ADAMTSL3: variants seen among roughly 807,000 people sequenced by gnomAD.
The protein encoded by ADAMTSL3 is ADAMTS-like protein 3.
A neutral mutation model predicts 201.7 loss-of-function variants in ADAMTSL3; 128 were observed. The observed-to-expected ratio is 0.63, with a 90% confidence interval of 0.55 to 0.73. ADAMTSL3 has a LOEUF of 0.73. Among genes scored for constraint, ADAMTSL3 ranks in the 30% least tolerant of loss-of-function variants. The pLI, the probability that ADAMTSL3 is intolerant of heterozygous loss-of-function variation, is 0.00. For missense variants in ADAMTSL3, 1,990 were observed against 2,119.6 expected, an observed-to-expected ratio of 0.94 and a Z score of 1.20; for synonymous variants, 738 against 748.4, an observed-to-expected ratio of 0.99 and a Z score of 0.23.
intron 2 of ADAMTSL3, among the ~76,000 whole-genome samples, chr15:83,682,250 A>G (rs772743801): frequency 6.6e-6 from 1 of 152,128 alleles, no homozygotes. Flanking sequence ...ATCAGAGATC[A>G]TGGAGCCTGA....
At chr15:83,819,131 G>A (rs543701657) in intron 5 of ADAMTSL3, among the ~76,000 whole-genome samples, 73 of 152,054 alleles carry the variant, frequency 4.8e-4, no homozygotes, top group African/African-American at 1.4e-3. Flanking sequence ...TAAGCTGGGC[G>A]TGGTGGCGGG....
rs751501571 is a variant in ADAMTSL3 at position 84,014,554 on chromosome 15, C to G, written c.3986C>G (p.Pro1329Arg). The G allele has an allele frequency of 4.3e-6, 7 of 1,613,772 alleles. No homozygotes were observed. The African/African-American group carries it at 9.3e-5, about 22-fold the overall frequency. The change falls in exon 24 of 30, where the codon CCT becomes CGT. Residue 1329 changes from proline to arginine, a missense_variant. Transcript: ENST00000286744. ...IRCPVKGVPQ[P>R]NITWLKRGGS... ...TTTTGTTCCAAAGGTGTCCCTCAGC[C>G]TAATATAACTTGGTTGAAGAGAGGA...
At chr15:83,970,682 T>C in intron 20 of ADAMTSL3, 45 bp downstream of exon 20, 1 of 1,603,520 alleles carries the variant, frequency 6.2e-7, no homozygotes, top group Non-Finnish European at 8.5e-7. Flanking sequence ...GCTGATTCTG[T>C]TCATTTTGTC....
chr15:83,983,464 G>A, intron 21 of ADAMTSL3, 120 bp downstream of exon 21: 3 of 768,956 alleles, frequency 3.9e-6, no homozygotes, highest in East Asian at 2.9e-5. Flanking sequence ...GGATTCTTTA[G>A]GAAAGAAACT....
chr15:83,787,677 T>G (rs1357884604), intron 4 of ADAMTSL3, among the ~76,000 whole-genome samples: 2 of 152,188 alleles, frequency 1.3e-5, no homozygotes, highest in African/African-American at 4.8e-5. Flanking sequence ...TCTCTTGGTG[T>G]TTTATCCACA....
At chr15:83,931,931 T>C (rs1407810992) in intron 17 of ADAMTSL3, among the ~76,000 whole-genome samples, 2 of 152,204 alleles carry the variant, frequency 1.3e-5, no homozygotes, top group Non-Finnish European at 2.9e-5. Flanking sequence ...GTAAACTGTT[T>C]ACTAAAACTT....
chr15:83,978,569 C>A (rs778774844), intron 20 of ADAMTSL3, among the ~76,000 whole-genome samples: 1 of 152,150 alleles, frequency 6.6e-6, no homozygotes, highest in Admixed American at 6.6e-5. Context: ...CAAACCAGAC[C>A]GGTTTCTTGC....
At chr15:83,851,984 T>C (rs1454447929) in intron 7 of ADAMTSL3, among the ~76,000 whole-genome samples, 1 of 152,178 alleles carries the variant, frequency 6.6e-6, no homozygotes. Flanking sequence ...TGGATGTGTA[T>C]GTGTGCACCT....
At chr15:83,733,079 G>A (rs757054189) in intron 3 of ADAMTSL3, among the ~76,000 whole-genome samples, 1 of 152,044 alleles carries the variant, frequency 6.6e-6, no homozygotes, top group Non-Finnish European at 1.5e-5. Context: ...CATTTTCTGC[G>A]TTTCATTAAA....
intron 16 of ADAMTSL3, among the ~76,000 whole-genome samples, chr15:83,914,323 T>G (rs1423462763): frequency 6.6e-6 from 1 of 152,262 alleles, no homozygotes; most frequent in Non-Finnish European, 1.5e-5. Context: ...TATCAAGTTG[T>G]GGAGCTCATG....
chr15:83,714,167 G>T (rs963047887), intron 3 of ADAMTSL3, among the ~76,000 whole-genome samples: 1 of 152,112 alleles, frequency 6.6e-6, no homozygotes, highest in South Asian at 2.1e-4. Context: ...GGCTTTCCTG[G>T]CACTGAGACA....
At chr15:84,031,630 A>T (rs1031885643) in intron 28 of ADAMTSL3, among the ~76,000 whole-genome samples, 198 bp downstream of exon 28, 4 of 152,232 alleles carry the variant, frequency 2.6e-5, no homozygotes, top group Non-Finnish European at 5.9e-5. Context: ...ATTTATAACT[A>T]TAAATTGTTT....
chr15:83,913,072 G>C lies in ADAMTSL3; in HGVS notation c.1701-20G>C. On this transcript the variant is annotated intron_variant, in intron 15 of 29. Coordinates refer to ENST00000286744, the MANE Select transcript of ADAMTSL3 (RefSeq NM_207517.3). Reference sequence around the variant, plus strand: ...ATGACCCTCAGTGTCCTTTTCTGGTGGCTTCCTGGTTTTCCCTAGGTTCAT... The same window carrying C: ...ATGACCCTCAGTGTCCTTTTCTGGTCGCTTCCTGGTTTTCCCTAGGTTCAT... 1 of 1,608,746 alleles carries C rather than the reference G, an allele frequency of 6.2e-7. No homozygotes were observed. Among genetic ancestry groups the C allele is most frequent in the Admixed American group, 1.7e-5 (1 of 59,852 alleles).
At chr15:83,973,383 A>G (rs567314881) in intron 20 of ADAMTSL3, among the ~76,000 whole-genome samples, 56 of 152,180 alleles carry the variant, frequency 3.7e-4, no homozygotes, top group African/African-American at 1.2e-3. Context: ...AACCAACTCT[A>G]TCGCCAAATC....
intron 19 of ADAMTSL3, among the ~76,000 whole-genome samples, chr15:83,943,875 C>T (rs2066608187): frequency 6.6e-6 from 1 of 152,188 alleles, no homozygotes; most frequent in Non-Finnish European, 1.5e-5. Flanking sequence ...AAATCAAGTA[C>T]AGTAGTCCCA....
At chr15:83,706,849 T>C (rs1474680568) in intron 3 of ADAMTSL3, among the ~76,000 whole-genome samples, 1 of 150,402 alleles carries the variant, frequency 6.6e-6, no homozygotes, top group Non-Finnish European at 1.5e-5. Flanking sequence ...GTCTGTATTT[T>C]GTAGAAATGA....
intron 3 of ADAMTSL3, among the ~76,000 whole-genome samples, chr15:83,733,615 A>G (rs79551975): frequency 1.1e-3 from 171 of 152,274 alleles, no homozygotes; most frequent in African/African-American, 4.1e-3. Context: ...AATATGCTGC[A>G]TTTTAGTGCA....
At chr15:83,748,258 G>A (rs1217089292) in intron 3 of ADAMTSL3, among the ~76,000 whole-genome samples, 3 of 152,124 alleles carry the variant, frequency 2.0e-5, no homozygotes, top group Admixed American at 6.5e-5. Flanking sequence ...GAAGTGGATC[G>A]TCAGTTCAAG....
At chr15:83,750,874 T>C (rs1392845865) in intron 3 of ADAMTSL3, among the ~76,000 whole-genome samples, 1 of 152,232 alleles carries the variant, frequency 6.6e-6, no homozygotes. Flanking sequence ...AATTCGTTGA[T>C]TCATTGACTC....
Sources: allele counts gnomAD v4.1 joint callset (sites outside exome capture counted in the v4.1 genomes callset), GRCh38; gene constraint gnomAD v4.1.1; transcripts MANE v1.5; gene names NCBI Gene and HGNC (gene_info 2026-07-23, HGNC 2026-07-21).